Variants in PCDHGA12 observed in about 807,000 individuals in gnomAD.
PCDHGA12 encodes protocadherin gamma-A12.
Under a neutral mutation model 61.1 loss-of-function variants are expected in PCDHGA12, and 43 were observed. That is an observed-to-expected ratio of 0.70 (90% CI 0.55 to 0.91). The LOEUF is 0.91. Among genes scored for constraint, PCDHGA12 ranks in the 40% least tolerant of loss-of-function variants. The pLI is 0.00. For synonymous variants in PCDHGA12, 520 were observed against 542.9 expected, an observed-to-expected ratio of 0.96 and a Z score of 0.59; for missense variants, 1,236 against 1,227.7, an observed-to-expected ratio of 1.01 and a Z score of -0.10.
intron 1 of PCDHGA12, among the ~76,000 whole-genome samples, chr5:141,437,411 T>C (rs1014219268): frequency 1.1e-4 from 17 of 152,222 alleles, no homozygotes; most frequent in African/African-American, 4.1e-4. Flanking sequence ...TCCAGAAGTA[T>C]TATGCTTTTT....
At position 141,433,151 on chromosome 5, in the gene PCDHGA12, G is replaced by T. The variant is rs2097572071; in HGVS notation, c.2392G>T (p.Val798Leu). 2 of 1,614,006 alleles carry T rather than the reference G, an allele frequency of 1.2e-6. No individual in the cohort carries two copies. Among genetic ancestry groups the T allele is most frequent in the African/African-American group, 1.3e-5 (1 of 75,024 alleles). Reference sequence around the variant, plus strand: ...GCCCCTTTTGCTGTCAGGTGATTCGGTATTTTCTAAAGACAGTCATGGGTT... The same window carrying T: ...GCCCCTTTTGCTGTCAGGTGATTCGTTATTTTCTAAAGACAGTCATGGGTT... ...SEPLLLSGDS[V>L]FSKDSHGLIE... The change falls in exon 1 of 4, where the codon GTA becomes TTA. Residue 798 changes from valine to leucine, a missense_variant. Transcript: ENST00000252085.
At chr5:141,435,180 C>G (rs1341148119) in intron 1 of PCDHGA12, among the ~76,000 whole-genome samples, 1 of 152,074 alleles carries the variant, frequency 6.6e-6, no homozygotes, top group African/African-American at 2.4e-5. Context: ...TTTAACTACA[C>G]TTGAGATGGC....
At chr5:141,436,105 A>G (rs2097796181) in intron 1 of PCDHGA12, among the ~76,000 whole-genome samples, 2 of 152,198 alleles carry the variant, frequency 1.3e-5, no homozygotes, top group African/African-American at 4.8e-5. Context: ...GAAATAGAGG[A>G]CAATGAAACC....
intron 2 of PCDHGA12, among the ~76,000 whole-genome samples, chr5:141,504,704 A>G (rs965376942): frequency 1.3e-5 from 2 of 151,356 alleles, no homozygotes; most frequent in African/African-American, 4.8e-5. Flanking sequence ...AGGTTCTTCT[A>G]TGGCCGTGGA....
At chr5:141,478,500 T>G in intron 1 of PCDHGA12, 1 of 1,612,740 alleles carries the variant, frequency 6.2e-7, no homozygotes, top group Non-Finnish European at 8.5e-7. Flanking sequence ...TGTGATCCGG[T>G]GTTCTATAGG....
At position 141,476,112 on chromosome 5, in the gene PCDHGA12, G is replaced by A. The variant is rs1201449171; in HGVS notation, c.2425-18695G>A. 2.5e-6 allele frequency: 4 copies of A among 1,590,646 alleles called. No homozygotes were observed. Among genetic ancestry groups the A allele is most frequent in the Non-Finnish European group, 2.6e-6 (3 of 1,170,830 alleles). ...CCCCGCTGAGAGGAACTGCTTTTGA[G>A]TGAGATGGTCCCAGAGGCCTGGAGG... On this transcript the variant is annotated intron_variant, in intron 1 of 3. Transcript: ENST00000252085. The surrounding 1 kb of genome is among the most constrained non-coding windows in gnomAD (Gnocchi z 7.6).
chr5:141,455,961 G>C (rs1447678052), intron 1 of PCDHGA12, among the ~76,000 whole-genome samples: 1 of 150,954 alleles, frequency 6.6e-6, no homozygotes, highest in African/African-American at 2.4e-5. Context: ...GCAGTGGCGC[G>C]ATCTCAGCTC....
In PCDHGA12 at chr5:141,485,869, G is replaced by A; in HGVS notation, c.2425-8938G>A. On this transcript the variant is annotated intron_variant, in intron 1 of 3. Coordinates refer to ENST00000252085, the MANE Select transcript of PCDHGA12 (RefSeq NM_003735.3). The surrounding 1 kb of genome is among the most constrained non-coding windows in gnomAD (Gnocchi z 5.7). ...GCACCGCAGAGCTCCGGGTATCCGT[G>A]CTGGACGTAAACGACAACGCCCCAG... is the stretch of plus-strand genomic sequence containing the variant. 1 of 1,614,176 alleles carries A rather than the reference G, an allele frequency of 6.2e-7. No individual in the cohort carries two copies. The highest frequency in any genetic ancestry group is 8.5e-7 in the Non-Finnish European group (1 of 1,180,040).
At position 141,489,302 on chromosome 5, in the gene PCDHGA12, T is replaced by C. The variant is rs1258736404; in HGVS notation, c.2425-5505T>C. 2 of 1,586,886 alleles carry C rather than the reference T, an allele frequency of 1.3e-6. No homozygotes were observed. The highest frequency in any genetic ancestry group is 2.3e-5 in the South Asian group (2 of 85,378). ...TGGCAAGTGCTGTGCATGTTGTCCT[T>C]GTGCTGCTGGGGCTGGGTGTCTGGG... On this transcript the variant is annotated intron_variant, in intron 1 of 3. Transcript: ENST00000252085. The surrounding 1 kb of genome is among the most constrained non-coding windows in gnomAD (Gnocchi z 4.5).
At chr5:141,473,623 A>T (rs186624707) in intron 1 of PCDHGA12, among the ~76,000 whole-genome samples, 8 of 152,280 alleles carry the variant, frequency 5.3e-5, no homozygotes, top group Non-Finnish European at 1.5e-5. Flanking sequence ...GAGGGAGGAA[A>T]AAGCAGCTTT....
chr5:141,460,592 G>C (rs796171299), intron 1 of PCDHGA12, among the ~76,000 whole-genome samples: 12 of 151,976 alleles, frequency 7.9e-5, no homozygotes, highest in African/African-American at 2.9e-4. Flanking sequence ...GTTTTTTCTG[G>C]GCTCTCTGTG....
intron 1 of PCDHGA12, among the ~76,000 whole-genome samples, chr5:141,462,086 A>G (rs993185274): frequency 6.6e-6 from 1 of 151,408 alleles, no homozygotes; most frequent in Non-Finnish European, 1.5e-5. Flanking sequence ...GCCTCCCAAA[A>G]TGCTGGGATT....
chr5:141,487,811 A>C lies in PCDHGA12; in HGVS notation c.2425-6996A>C, dbSNP rs1389081995. 2 of 1,414,662 alleles carry C rather than the reference A, an allele frequency of 1.4e-6. No homozygotes were observed. The highest frequency in any genetic ancestry group is 1.9e-6 in the Non-Finnish European group (2 of 1,041,698). The allele number at this position is 1,414,662 out of a possible 1,614,324, so 87.6% of individuals were successfully genotyped here. On this transcript the variant is annotated intron_variant, in intron 1 of 3. Coordinates refer to ENST00000252085, the MANE Select transcript of PCDHGA12 (RefSeq NM_003735.3). This position sits in a 1 kb window ranked among gnomAD's most constrained non-coding sequence, Gnocchi z 5.0. ...TTAACCAGAGTTGTCACAGTTTAGC[A>C]TTGGGGGCGGGTCATGCCTATATCT...
At chr5:141,449,588 CAAAA>C (rs768743917) in intron 1 of PCDHGA12, among the ~76,000 whole-genome samples, 2 of 57,488 alleles carry the variant, frequency 3.5e-5, no homozygotes, top group Non-Finnish European at 3.7e-5. Flanking sequence ...GACTCTGTCT[CAAAA>C]AAAAAAAAAA....
At position 141,433,096 on chromosome 5, in the gene PCDHGA12, C is replaced by A; in HGVS notation, c.2337C>A (p.Leu779=). Residue 779 remains leucine (L), a synonymous_variant, in exon 1 of 4, where the codon CTC becomes CTA. Coordinates refer to ENST00000252085, the MANE Select transcript of PCDHGA12 (RefSeq NM_003735.3). ...CCCAGCCCAACTATGCAGACATGCT[C>A]GTCAGCCAGGAGAGCTTTGAAAAAA... The part of the protein sequence containing the change: ...IFPQPNYADM[L]VSQESFEKSE... 3 of 1,614,118 alleles carry A rather than the reference C, an allele frequency of 1.9e-6. No individual in the cohort carries two copies. The highest frequency in any genetic ancestry group is 2.5e-6 in the Non-Finnish European group (3 of 1,180,014).
rs1225265096 is a variant in PCDHGA12 at position 141,490,666 on chromosome 5, G to A, written c.2425-4141G>A. Reference sequence around the variant, plus strand: ...GCCTCCGGGCTCCCTTCTTTGCACTGTGGCTGCCTCAGATCCAGACACTGG... The same window carrying A: ...GCCTCCGGGCTCCCTTCTTTGCACTATGGCTGCCTCAGATCCAGACACTGG... On this transcript the variant is annotated intron_variant, in intron 1 of 3. Coordinates refer to ENST00000252085, the MANE Select transcript of PCDHGA12 (RefSeq NM_003735.3). The surrounding 1 kb of genome is among the most constrained non-coding windows in gnomAD (Gnocchi z 5.4). The A allele has an allele frequency of 1.2e-6, 2 of 1,614,134 alleles. No homozygotes were observed. The highest frequency in any genetic ancestry group is 3.3e-5 in the Admixed American group (2 of 60,026).
intron 1 of PCDHGA12, among the ~76,000 whole-genome samples, chr5:141,475,035 G>T (rs983190948): frequency 2.0e-5 from 3 of 152,132 alleles, no homozygotes. Context: ...GTGACTAAAG[G>T]CTTTGTATTT....
chr5:141,479,625 T>C (rs2099501262), intron 1 of PCDHGA12: 1 of 152,228 alleles, frequency 6.6e-6, no homozygotes, highest in Non-Finnish European at 1.5e-5. Flanking sequence ...ACCATGTCTC[T>C]TTAACAATAA....
rs532907359 is a variant in PCDHGA12, at chr5:141,500,353, C to T, written c.2484-5040C>T. 1.9e-4 allele frequency among the ~76,000 whole-genome samples: 29 copies of T among 152,052 alleles called. No homozygotes were observed. The East Asian group carries it at 5.2e-3, about 27-fold the overall frequency. The stretch of plus-strand genomic sequence containing the variant: ...CCTCCAGAATAGCTGGGACTACAGG[C>T]GCCCACTACCACGCCCGGCTAATTA... On this transcript the variant is annotated intron_variant, in intron 2 of 3. Transcript: ENST00000252085.
Sources: gnomAD v4.1 joint callset for allele counts (sites outside exome capture counted in the v4.1 genomes callset) on GRCh38, gnomAD v4.1.1 for gene constraint, Gnocchi (gnomAD v3.1) non-coding constraint, MANE v1.5 for transcripts, NCBI Gene and HGNC (gene_info 2026-07-23, HGNC 2026-07-21) for gene names.